CTPS1: variants seen among roughly 807,000 people sequenced by gnomAD.
The protein encoded by CTPS1 is CTP synthetase 1.
A neutral mutation model predicts 80.5 loss-of-function variants in CTPS1; 25 were observed. The observed-to-expected ratio is 0.31, with a 90% CI of 0.23 to 0.43. CTPS1 has a LOEUF of 0.43. Ranked by LOEUF, CTPS1 falls within the 20% of genes least tolerant of loss-of-function variation. The pLI, the probability that CTPS1 is intolerant of heterozygous loss-of-function variation, is 1.00. For missense variants in CTPS1, 442 were observed against 725.7 expected (o/e 0.61, Z 4.49); for synonymous variants, 267 against 252.5 (o/e 1.06, Z -0.54).
At chr1:40,995,391 T>G (rs981240530) in intron 7 of CTPS1, among the ~76,000 whole-genome samples, 4 of 149,770 alleles carry the variant, frequency 2.7e-5, no homozygotes, top group Non-Finnish European at 5.9e-5. Context: ...GCTAATTTTT[T>G]GGGTGTTTTT....
intron 5 of CTPS1, 29 bp from the exon 6 acceptor site, chr1:40,991,136 C>G (rs377028455): frequency 3.8e-5 from 46 of 1,208,190 alleles, no homozygotes; most frequent in Non-Finnish European, 5.0e-5. Flanking sequence ...GGGAAACTAA[C>G]TTTTTTTTTT....
chr1:40,990,478 C>A (rs1042050774), intron 5 of CTPS1, among the ~76,000 whole-genome samples: 2 of 152,256 alleles, frequency 1.3e-5, no homozygotes, highest in South Asian at 2.1e-4. Context: ...GACATTGATG[C>A]TATTTCATTA....
chr1:41,001,341 A>G (rs768098195), intron 10 of CTPS1, among the ~76,000 whole-genome samples: 2 of 152,230 alleles, frequency 1.3e-5, no homozygotes, highest in East Asian at 1.9e-4. Flanking sequence ...TGCCATATGC[A>G]TCTATTGATG....
intron 7 of CTPS1, among the ~76,000 whole-genome samples, chr1:40,994,790 T>C (rs1642711016): frequency 6.6e-6 from 1 of 152,250 alleles, no homozygotes; most frequent in African/African-American, 2.4e-5. Flanking sequence ...TATTAAACCA[T>C]GTGATGTTTA....
chr1:41,011,317 A>C (rs548733769), intron 18 of CTPS1, among the ~76,000 whole-genome samples: 3 of 152,326 alleles, frequency 2.0e-5, no homozygotes, highest in South Asian at 2.1e-4. Context: ...GAGCTGATAC[A>C]ACAAGAACTG....
intron 13 of CTPS1, among the ~76,000 whole-genome samples, chr1:41,006,653 C>G (rs552357741): frequency 6.6e-6 from 1 of 152,216 alleles, no homozygotes; most frequent in South Asian, 2.1e-4. Flanking sequence ...AGGGACGATG[C>G]CTTTAATCAC....
In CTPS1 at chr1:41,010,220, A is replaced by G; in HGVS notation, c.1751A>G (p.Lys584Arg). 3 of 1,613,786 alleles carry G rather than the reference A, an allele frequency of 1.9e-6. No homozygotes were observed. Among genetic ancestry groups the G allele is most frequent in the Middle Eastern group, 1.6e-4 (1 of 6,062 alleles). ...CCTGACTCTGAAATCACCGAACTGAAGTTTCCATCAATAAATCATGACTGA... is the reference window on the plus strand; with the variant it reads ...CCTGACTCTGAAATCACCGAACTGAGGTTTCCATCAATAAATCATGACTGA... ...SSPDSEITELKFPSINHD is the reference protein window; with the variant it reads ...SSPDSEITELRFPSINHD The change falls in exon 18 of 19, where the codon AAG (lysine) becomes AGG (arginine). Residue 584 changes from lysine (K) to arginine (R), a missense_variant. Physicochemically the swap from Lys to Arg is conservative, Grantham distance 26. Coordinates refer to ENST00000650070, the MANE Select transcript of CTPS1 (RefSeq NM_001905.4).
intron 18 of CTPS1, 78 bp downstream of exon 18, chr1:41,010,332 T>G (rs1643139676): frequency 1.9e-6 from 2 of 1,050,630 alleles, no homozygotes; most frequent in African/African-American, 3.2e-5. Context: ...CATGGAAGTT[T>G]AGGGCTGAAA....
intron 5 of CTPS1, among the ~76,000 whole-genome samples, chr1:40,990,599 A>G (rs1415752922): frequency 6.6e-6 from 1 of 152,064 alleles, no homozygotes. Context: ...AGCCTGGGCA[A>G]TGTGACAAGA....
chr1:41,007,349 G>A lies in CTPS1; in HGVS notation c.1297-100G>A, dbSNP rs1643058879. On this transcript the variant is annotated intron_variant, in intron 13 of 18. Transcript: ENST00000650070. The surrounding 1 kb of genome is among the most constrained non-coding windows in gnomAD (Gnocchi z 4.4). ...CTCATAAGGAAAGCCTGGAGAATTA[G>A]AGCTTACTTACAAGCCTTTGCCACC... 1.7e-4 allele frequency: 160 copies of A among 936,006 alleles called. 3 individuals are homozygous for A. The South Asian group carries it at 2.2e-3, about 13-fold the overall frequency. The allele number at this position is 936,006 out of a possible 1,614,324, so 58.0% of individuals were successfully genotyped here.
At chr1:40,992,682 A>ATT (rs67623913) in intron 7 of CTPS1, among the ~76,000 whole-genome samples, 75 of 127,892 alleles carry the variant, frequency 5.9e-4, no homozygotes, top group African/African-American at 1.7e-3. Context: ...AAATTGTTCA[A>ATT]TTTTTTTTTT....
intron 18 of CTPS1, among the ~76,000 whole-genome samples, chr1:41,010,801 C>A (rs925339035): frequency 4.6e-5 from 7 of 152,150 alleles, no homozygotes; most frequent in African/African-American, 1.7e-4. Context: ...GCCAAATAGA[C>A]GTCGAATGTT....
At chr1:40,998,575 T>TAAG (rs1467229501) in intron 9 of CTPS1, among the ~76,000 whole-genome samples, 1 of 152,136 alleles carries the variant, frequency 6.6e-6, no homozygotes, top group African/African-American at 2.4e-5. Flanking sequence ...AGGGTTGTTG[T>TAAG]AAGAAGTTCA....
chr1:40,998,396 T>TAA lies in CTPS1; in HGVS notation c.1005+895_1005+896dup, dbSNP rs56282224. ...CTGGGCAACAGAGTGAGACTCTGTC[T>TAA]AAAAAAAAAAAAAAAAAAAAAAAAA... On this transcript the variant is annotated intron_variant, in intron 9 of 18. Coordinates refer to ENST00000650070, the MANE Select transcript of CTPS1 (RefSeq NM_001905.4). 2.2e-4 allele frequency among the ~76,000 whole-genome samples: 14 copies of TAA among 64,608 alleles called. 2 individuals carry two copies. The highest frequency in any genetic ancestry group is 1.4e-3 in the East Asian group (3 of 2,086). 42.4% of individuals were successfully genotyped at this position (64,608 alleles called of 152,430 possible). A position where few individuals can be genotyped will look rare whatever the true frequency, so the allele number is the denominator to read the frequency against.
At chr1:40,986,897 G>A (rs1642469046) in intron 3 of CTPS1, among the ~76,000 whole-genome samples, 2 of 152,152 alleles carry the variant, frequency 1.3e-5, no homozygotes, top group Non-Finnish European at 2.9e-5. Context: ...TCTGACCCCG[G>A]GTGCTGTGCT....
intron 1 of CTPS1, among the ~76,000 whole-genome samples, chr1:40,982,982 T>A (rs1642358057): frequency 6.6e-6 from 1 of 152,248 alleles, no homozygotes; most frequent in African/African-American, 2.4e-5. Flanking sequence ...AGCTTAGAGC[T>A]GGTTTTATTA....
chr1:40,988,738 T>C (rs200690271), intron 5 of CTPS1, 28 bp downstream of exon 5: 1 of 1,469,918 alleles, frequency 6.8e-7, no homozygotes, highest in Non-Finnish European at 9.5e-7. Context: ...AGTTTTACTT[T>C]GGGGGAGATG....
intron 16 of CTPS1, 127 bp downstream of exon 16, chr1:41,009,017 G>C (rs907106790): frequency 2.6e-6 from 2 of 762,352 alleles, no homozygotes; most frequent in African/African-American, 1.8e-5. Context: ...TGTCTCATGA[G>C]GGAAGGGGTC....
intron 3 of CTPS1, among the ~76,000 whole-genome samples, chr1:40,986,996 A>G (rs976312507): frequency 8.5e-5 from 13 of 152,202 alleles, no homozygotes; most frequent in African/African-American, 3.1e-4. Context: ...GGGTCCCAGA[A>G]GTCTCTTGTT....
Sources: gnomAD v4.1 joint callset for allele counts (sites outside exome capture counted in the v4.1 genomes callset) on GRCh38, gnomAD v4.1.1 for gene constraint, Gnocchi (gnomAD v3.1) non-coding constraint, MANE v1.5 for transcripts, NCBI Gene and HGNC (gene_info 2026-07-23, HGNC 2026-07-21) for gene names.